The following GPR39 variants were observed in gnomAD, a reference collection of about 807,000 sequenced individuals.
GPR39 encodes the protein G protein-coupled receptor 39.
Under a neutral mutation model 18.4 loss-of-function variants are expected in GPR39, and 23 were observed. The observed-to-expected ratio is 1.25, with a 90% CI of 0.90 to 1.77. The LOEUF is 1.77. Among genes scored for constraint, GPR39 ranks in the 40% most tolerant of loss-of-function variants. The pLI, the probability that GPR39 is intolerant of heterozygous loss-of-function variation, is 0.00. For synonymous variants in GPR39, 280 were observed against 257.9 expected, an observed-to-expected ratio of 1.09 and a Z score of -0.82; for missense variants, 647 against 602.4, an observed-to-expected ratio of 1.07 and a Z score of -0.78.
At chr2:132,577,938 T>A (rs1335578816) in intron 1 of GPR39, among the ~76,000 whole-genome samples, 1 of 152,188 alleles carries the variant, frequency 6.6e-6, no homozygotes, top group Non-Finnish European at 1.5e-5. Context: ...GACAAAGACA[T>A]TCTTGCCTTG....
intron 1 of GPR39, among the ~76,000 whole-genome samples, chr2:132,512,830 T>C (rs944317443): frequency 2.0e-5 from 3 of 152,264 alleles, no homozygotes; most frequent in Admixed American, 6.5e-5. Context: ...ATATTTCAAG[T>C]ATTTCTTATT....
chr2:132,550,255 G>A (rs766274810), intron 1 of GPR39, among the ~76,000 whole-genome samples: 4 of 152,208 alleles, frequency 2.6e-5, no homozygotes, highest in Non-Finnish European at 4.4e-5. Flanking sequence ...ATTTTAAAAA[G>A]AGAAAATAGA....
intron 1 of GPR39, among the ~76,000 whole-genome samples, chr2:132,492,260 A>G (rs1380492759): frequency 7.0e-6 from 1 of 143,180 alleles, no homozygotes; most frequent in Non-Finnish European, 1.5e-5. Context: ...TATATACACC[A>G]TATATATACA....
chr2:132,462,177 C>G (rs1194808159), intron 1 of GPR39, among the ~76,000 whole-genome samples: 1 of 152,212 alleles, frequency 6.6e-6, no homozygotes, highest in Non-Finnish European at 1.5e-5. Flanking sequence ...TATTAAGTCA[C>G]ATTTGCTCAC....
chr2:132,591,285 A>C lies in GPR39; in HGVS notation c.857-53816A>C, dbSNP rs1406195532. Among the ~76,000 whole-genome samples, 222 of 148,228 alleles carry C rather than the reference A, an allele frequency of 1.5e-3. No individual in the cohort carries two copies. The Middle Eastern group carries it at 0.018, about 12-fold the overall frequency. On this transcript the variant is annotated intron_variant, in intron 1 of 1. Coordinates refer to ENST00000329321, the MANE Select transcript of GPR39 (RefSeq NM_001508.3). The stretch of plus-strand genomic sequence containing the variant: ...AAAAAAAAAAAAAAAAAACAAAAAA[A>C]AACAGAGGAACATTGTAGGACTAGA...
At chr2:132,585,796 G>A (rs561065361) in intron 1 of GPR39, among the ~76,000 whole-genome samples, 104 of 152,130 alleles carry the variant, frequency 6.8e-4, no homozygotes, top group Middle Eastern at 3.4e-3. Context: ...AACGCATTTC[G>A]GGGCGTGATC....
intron 1 of GPR39, among the ~76,000 whole-genome samples, chr2:132,606,577 G>A (rs1334800644): frequency 6.6e-6 from 1 of 152,232 alleles, no homozygotes; most frequent in Admixed American, 6.5e-5. Context: ...AAGTGGGTGT[G>A]TATTACAGTG....
chr2:132,557,592 TGAGAGAGA>T (rs57544662), intron 1 of GPR39, among the ~76,000 whole-genome samples: 1,490 of 148,362 alleles, frequency 0.01, 29 homozygotes, highest in African/African-American at 0.034. Flanking sequence ...AAAGAAAGGA[TGAGAGAGA>T]GAGAGAGAGA....
At chr2:132,522,050 C>G (rs1220942136) in intron 1 of GPR39, among the ~76,000 whole-genome samples, 1 of 152,224 alleles carries the variant, frequency 6.6e-6, no homozygotes, top group Non-Finnish European at 1.5e-5. Flanking sequence ...GCGACTTAAA[C>G]TGTAGCATGG....
intron 1 of GPR39, among the ~76,000 whole-genome samples, chr2:132,582,334 T>G (rs1680638398): frequency 6.6e-6 from 1 of 152,244 alleles, no homozygotes; most frequent in African/African-American, 2.4e-5. Context: ...GAGCTGCTGT[T>G]TCAATTCATG....
intron 1 of GPR39, among the ~76,000 whole-genome samples, chr2:132,419,323 G>A (rs1321188196): frequency 1.3e-5 from 2 of 152,208 alleles, no homozygotes; most frequent in Admixed American, 6.5e-5. Context: ...TTGAGACTTA[G>A]AGAAGACCTA....
chr2:132,585,978 C>T (rs530901739), intron 1 of GPR39, among the ~76,000 whole-genome samples: 1 of 63,812 alleles, frequency 1.6e-5, no homozygotes, highest in South Asian at 5.9e-4. Flanking sequence ...TTTTTAATGC[C>T]CCACTCAGAG....
At chr2:132,562,189 C>T (rs547319988) in intron 1 of GPR39, among the ~76,000 whole-genome samples, 16 of 152,074 alleles carry the variant, frequency 1.1e-4, no homozygotes, top group Admixed American at 3.3e-4. Context: ...ATGATTCCAT[C>T]GTGCATCCAA....
At chr2:132,537,592 C>G (rs1445955842) in intron 1 of GPR39, among the ~76,000 whole-genome samples, 1 of 149,720 alleles carries the variant, frequency 6.7e-6, no homozygotes, top group Non-Finnish European at 1.5e-5. Flanking sequence ...GTTGGCCTGT[C>G]TTGCTAGCTT....
chr2:132,498,250 T>A (rs1464917992), intron 1 of GPR39, among the ~76,000 whole-genome samples: 3 of 152,122 alleles, frequency 2.0e-5, no homozygotes, highest in Non-Finnish European at 2.9e-5. Flanking sequence ...CCCCACCCTT[T>A]ACCCTGAGTC....
chr2:132,584,040 T>C (rs1468976645), intron 1 of GPR39, among the ~76,000 whole-genome samples: 2 of 151,952 alleles, frequency 1.3e-5, no homozygotes, highest in East Asian at 3.9e-4. Flanking sequence ...TCAAAGAATT[T>C]CATAAGTTGC....
chr2:132,444,983 G>C (rs992221303), intron 1 of GPR39, among the ~76,000 whole-genome samples: 1 of 152,190 alleles, frequency 6.6e-6, no homozygotes, highest in Non-Finnish European at 1.5e-5. Flanking sequence ...GATAAGATCT[G>C]TGTACAGATC....
intron 1 of GPR39, among the ~76,000 whole-genome samples, chr2:132,581,001 CA>C (rs1335069063): frequency 8.2e-6 from 1 of 122,678 alleles, no homozygotes; most frequent in Non-Finnish European, 1.7e-5. Flanking sequence ...AAAAAAACAA[CA>C]AAAAAACTGC....
chr2:132,475,084 G>C (rs575323138), intron 1 of GPR39, among the ~76,000 whole-genome samples: 1 of 152,154 alleles, frequency 6.6e-6, no homozygotes, highest in East Asian at 1.9e-4. Context: ...TCTGCTCATG[G>C]TTCAAGGAGC....
Sources: allele counts gnomAD v4.1 joint callset (sites outside exome capture counted in the v4.1 genomes callset), GRCh38; gene constraint gnomAD v4.1.1; transcripts MANE v1.5; gene names NCBI Gene and HGNC (gene_info 2026-07-23, HGNC 2026-07-21).